RCAN2: variants seen among roughly 807,000 people sequenced by gnomAD.
RCAN2 encodes the protein regulator of calcineurin 2.
RCAN2 carries 9 observed loss-of-function variants against 23.6 expected under a neutral mutation model. That is an observed-to-expected ratio of 0.38 (90% CI 0.23 to 0.67). The LOEUF is 0.67. Among genes scored for constraint, RCAN2 ranks in the 30% least tolerant of loss-of-function variants. The probability of loss-of-function intolerance (pLI) is 0.51; values close to 1 mark genes in which losing one functional copy is unlikely to be tolerated. For missense variants in RCAN2, 273 were observed against 302.3 expected, an observed-to-expected ratio of 0.90 and a Z score of 0.72; for synonymous variants, 109 against 115.7, an observed-to-expected ratio of 0.94 and a Z score of 0.37.
intron 2 of RCAN2, among the ~76,000 whole-genome samples, chr6:46,340,331 T>TA (rs5875959): frequency 0.42 from 64,116 of 152,006 alleles, 14,966 homozygotes; most frequent in East Asian, 0.6. Context: ...TTTATGCATA[T>TA]AAGAGAGATA....
chr6:46,234,318 A>G (rs1766013711), intron 4 of RCAN2, among the ~76,000 whole-genome samples: 1 of 152,242 alleles, frequency 6.6e-6, no homozygotes, highest in Admixed American at 6.5e-5. Flanking sequence ...CACAAAATAA[A>G]AAGAAATAGC....
At chr6:46,225,600 C>A (rs552993675) in intron 4 of RCAN2, among the ~76,000 whole-genome samples, 161 of 152,324 alleles carry the variant, frequency 1.1e-3, no homozygotes, top group Middle Eastern at 6.8e-3. Flanking sequence ...AGTGTCTGTT[C>A]ATATAATTTT....
At chr6:46,423,979 G>A (rs561739381) in intron 2 of RCAN2, among the ~76,000 whole-genome samples, 5 of 152,246 alleles carry the variant, frequency 3.3e-5, no homozygotes, top group African/African-American at 7.2e-5. Context: ...CCAAGAACAC[G>A]CAGCCAATAA....
At chr6:46,315,680 T>G in intron 2 of RCAN2, among the ~76,000 whole-genome samples, 1 of 151,616 alleles carries the variant, frequency 6.6e-6, no homozygotes, top group East Asian at 1.9e-4. Flanking sequence ...AGCCACGGAG[T>G]CTCTAAATTC....
At chr6:46,365,385 A>G (rs1221406501) in intron 2 of RCAN2, among the ~76,000 whole-genome samples, 3 of 152,082 alleles carry the variant, frequency 2.0e-5, no homozygotes, top group African/African-American at 7.2e-5. Flanking sequence ...CTGAGGTGAG[A>G]GAATCGCTTG....
At chr6:46,423,770 C>G (rs1397134877) in intron 2 of RCAN2, among the ~76,000 whole-genome samples, 2 of 152,114 alleles carry the variant, frequency 1.3e-5, no homozygotes, top group Non-Finnish European at 2.9e-5. Context: ...ACTGAACTTC[C>G]TTTTCCAATC....
intron 2 of RCAN2, among the ~76,000 whole-genome samples, chr6:46,261,125 TTAGATA>T (rs1767095267): frequency 6.6e-6 from 1 of 152,194 alleles, no homozygotes; most frequent in Non-Finnish European, 1.5e-5. Flanking sequence ...TCAGCCCTGA[TTAGATA>T]TAGGCTCTAA....
intron 2 of RCAN2, among the ~76,000 whole-genome samples, chr6:46,447,409 T>A (rs1281813670): frequency 6.6e-6 from 1 of 151,940 alleles, no homozygotes; most frequent in Non-Finnish European, 1.5e-5. Flanking sequence ...AGGACTTCCA[T>A]ACTCCACTTT....
At chr6:46,339,530 G>T (rs1216456436) in intron 2 of RCAN2, among the ~76,000 whole-genome samples, 1 of 152,046 alleles carries the variant, frequency 6.6e-6, no homozygotes, top group African/African-American at 2.4e-5. Flanking sequence ...TGGAGTTAGG[G>T]ATCAGGGGTG....
At chr6:46,353,763 A>G (rs765161990) in intron 2 of RCAN2, among the ~76,000 whole-genome samples, 3 of 152,238 alleles carry the variant, frequency 2.0e-5, no homozygotes, top group Non-Finnish European at 4.4e-5. Flanking sequence ...GCGGCAGAGA[A>G]GGAAACACTG....
chr6:46,481,653 T>C (rs1391399977), intron 1 of RCAN2, among the ~76,000 whole-genome samples: 1 of 152,208 alleles, frequency 6.6e-6, no homozygotes, highest in East Asian at 1.9e-4. Context: ...GGTGGTTCAT[T>C]ATTTATTAGA....
intron 2 of RCAN2, among the ~76,000 whole-genome samples, chr6:46,452,593 CTTACACA>C (rs1327790982): frequency 1.3e-5 from 2 of 152,130 alleles, no homozygotes; most frequent in Non-Finnish European, 2.9e-5. Flanking sequence ...GTCATTTCTG[CTTACACA>C]TTGGGTAGAA....
At chr6:46,288,284 T>A (rs186408870) in intron 2 of RCAN2, among the ~76,000 whole-genome samples, 2 of 152,334 alleles carry the variant, frequency 1.3e-5, no homozygotes, top group Non-Finnish European at 2.9e-5. Context: ...GCAGTAACTT[T>A]TGGAGAGTAG....
intron 2 of RCAN2, among the ~76,000 whole-genome samples, chr6:46,451,678 G>T (rs1244800613): frequency 1.3e-5 from 2 of 152,182 alleles, no homozygotes; most frequent in Non-Finnish European, 2.9e-5. Flanking sequence ...CGTTTAGTCA[G>T]CTGAACTTGA....
intron 2 of RCAN2, among the ~76,000 whole-genome samples, chr6:46,296,775 T>A (rs1440618500): frequency 6.6e-6 from 1 of 152,104 alleles, no homozygotes; most frequent in African/African-American, 2.4e-5. Context: ...CATAAAAAGC[T>A]ACCAATCCCC....
chr6:46,322,614 A>T (rs1233536404), intron 2 of RCAN2, among the ~76,000 whole-genome samples: 3 of 152,264 alleles, frequency 2.0e-5, no homozygotes, highest in African/African-American at 7.2e-5. Flanking sequence ...GCATCCCCCT[A>T]GTATGGCTGC....
At chr6:46,341,273 G>A (rs546022265) in intron 2 of RCAN2, among the ~76,000 whole-genome samples, 64 of 152,208 alleles carry the variant, frequency 4.2e-4, no homozygotes, top group African/African-American at 1.3e-3. Flanking sequence ...GTATTTCTAA[G>A]CACTTGAAGG....
At chr6:46,328,716 T>C (rs918798145) in intron 2 of RCAN2, among the ~76,000 whole-genome samples, 2 of 152,194 alleles carry the variant, frequency 1.3e-5, no homozygotes, top group Admixed American at 6.5e-5. Flanking sequence ...GTTCAAATGA[T>C]TCTCCTGCCT....
rs111995139 is a variant in RCAN2 at position 46,280,190 on chromosome 6, C to T, written c.226-31294G>A. 6.6e-3 allele frequency among the ~76,000 whole-genome samples: 1,003 copies of T among 152,158 alleles called. 6 individuals are homozygous for T. The highest frequency in any genetic ancestry group is 0.011 in the Non-Finnish European group (740 of 68,010). On this transcript the variant is annotated intron_variant, in intron 2 of 4. Transcript: ENST00000371374. ...TAGCTCTGAGCAGTGCCATAATATC[C>T]CAGGCTTGGCAGTAAAAGTGAGGTG...
Sources: allele counts gnomAD v4.1 joint callset (sites outside exome capture counted in the v4.1 genomes callset), GRCh38; gene constraint gnomAD v4.1.1; transcripts MANE v1.5; gene names NCBI Gene and HGNC (gene_info 2026-07-23, HGNC 2026-07-21).